CD59: variants seen among roughly 807,000 people sequenced by gnomAD.
CD59 encodes CD59 molecule (CD59 blood group).
A neutral mutation model predicts 7.0 loss-of-function variants in CD59; 3 were observed. The observed-to-expected ratio is 0.43, with a 90% CI of 0.19 to 1.10. CD59 has a LOEUF of 1.10. Ranked by LOEUF, CD59 falls within the 50% of genes least tolerant of loss-of-function variation. The pLI, the probability that CD59 is intolerant of heterozygous loss-of-function variation, is 0.29. For synonymous variants in CD59, 60 were observed against 62.0 expected, an observed-to-expected ratio of 0.97 and a Z score of 0.15; for missense variants, 143 against 151.0, an observed-to-expected ratio of 0.95 and a Z score of 0.28.
In CD59 at chr11:33,722,572, G is replaced by A. The variant is rs1470936375; in HGVS notation, c.-18-109C>T. 3.3e-6 allele frequency: 5 copies of A among 1,535,624 alleles called. No homozygotes were observed. The East Asian group carries it at 1.2e-4, about 38-fold the overall frequency. On this transcript the variant is annotated intron_variant, in intron 1 of 3. Coordinates refer to ENST00000642928, the MANE Select transcript of CD59 (RefSeq NM_000611.6). ...AAGGCTTCTGAGAGGAACATTTACA[G>A]GGGGAGTCAAGGCACACTGAATCCC...
chr11:33,726,942 TG>T (rs749191731), intron 1 of CD59, among the ~76,000 whole-genome samples: 544 of 152,316 alleles, frequency 3.6e-3, no homozygotes, highest in Non-Finnish European at 6.4e-3. Context: ...GATAAATTCC[TG>T]GGCACATACA....
intron 2 of CD59, among the ~76,000 whole-genome samples, chr11:33,719,935 G>A (rs1261889645): frequency 6.6e-6 from 1 of 152,260 alleles, no homozygotes; most frequent in East Asian, 1.9e-4. Context: ...AATGAAAAGA[G>A]TCTAAGATGA....
At chr11:33,727,966 A>T (rs1385910345) in intron 1 of CD59, among the ~76,000 whole-genome samples, 4 of 152,220 alleles carry the variant, frequency 2.6e-5, no homozygotes, top group Non-Finnish European at 5.9e-5. Flanking sequence ...CTCACAAGGG[A>T]TGTGAAGGAC....
At chr11:33,735,060 T>C (rs1413120595) in intron 1 of CD59, among the ~76,000 whole-genome samples, 1 of 152,240 alleles carries the variant, frequency 6.6e-6, no homozygotes, top group Non-Finnish European at 1.5e-5. Flanking sequence ...GTTTGGCTTG[T>C]AGGGGAGGCA....
At chr11:33,721,518 T>TA (rs1168751874) in intron 2 of CD59, among the ~76,000 whole-genome samples, 17 of 152,176 alleles carry the variant, frequency 1.1e-4, no homozygotes, top group African/African-American at 4.1e-4. Flanking sequence ...ACCATATTTA[T>TA]AAAAAACAAA....
rs1050051500 is a variant in CD59, at chr11:33,732,209, T to G, written c.-19+4173A>C. ...CTTTATCAGCAGCATGAAAATGGAC[T>G]AATACACCTCCAAAATCTCATGTTG... On this transcript the variant is annotated intron_variant, in intron 1 of 3. Transcript: ENST00000642928. Among the ~76,000 whole-genome samples, 4 of 151,900 alleles carry G rather than the reference T, an allele frequency of 2.6e-5. No individual in the cohort carries two copies. The South Asian group carries it at 8.3e-4, about 32-fold the overall frequency.
intron 1 of CD59, chr11:33,723,118 A>G (rs831629): frequency 0.62 from 136,350 of 219,602 alleles, 43,161 homozygotes; most frequent in African/African-American, 0.72. Context: ...GCCAAAGCTT[A>G]GGGAGGTTTT....
chr11:33,713,813 T>C (rs117494948), intron 3 of CD59, among the ~76,000 whole-genome samples: 10,656 of 152,270 alleles, frequency 0.07, 544 homozygotes, highest in Non-Finnish European at 0.11. Flanking sequence ...GCCTTAACGA[T>C]GGTAATAATC....
intron 2 of CD59, among the ~76,000 whole-genome samples, chr11:33,721,474 T>C (rs970255653): frequency 6.6e-6 from 1 of 152,232 alleles, no homozygotes; most frequent in African/African-American, 2.4e-5. Context: ...AATTGCTCAC[T>C]GTATTGCCAC....
intron 3 of CD59, among the ~76,000 whole-genome samples, chr11:33,714,529 A>G (rs1240507336): frequency 1.3e-5 from 2 of 152,210 alleles, no homozygotes; most frequent in Non-Finnish European, 2.9e-5. Flanking sequence ...AATATTGTAC[A>G]TTTAGTCCAC....
At chr11:33,725,589 C>T (rs752452928) in intron 1 of CD59, among the ~76,000 whole-genome samples, 1 of 152,124 alleles carries the variant, frequency 6.6e-6, no homozygotes, top group Non-Finnish European at 1.5e-5. Context: ...GATGAAGGAA[C>T]GGCAGGCTTT....
intron 3 of CD59, among the ~76,000 whole-genome samples, chr11:33,714,411 T>C (rs938916962): frequency 5.9e-5 from 9 of 152,204 alleles, no homozygotes; most frequent in Admixed American, 1.3e-4. Context: ...GGTACACCTG[T>C]ACAGGGCACT....
chr11:33,721,730 G>C (rs1317489300), intron 2 of CD59, among the ~76,000 whole-genome samples: 1 of 152,206 alleles, frequency 6.6e-6, no homozygotes, highest in Non-Finnish European at 1.5e-5. Context: ...GAAGAGCAGG[G>C]ACTCTGTTGC....
At chr11:33,721,633 C>T (rs1015699375) in intron 2 of CD59, among the ~76,000 whole-genome samples, 2 of 152,238 alleles carry the variant, frequency 1.3e-5, no homozygotes, top group African/African-American at 4.8e-5. Flanking sequence ...GAAGTTGACT[C>T]AGAAGCACAC....
chr11:33,718,672 A>G (rs1204642268), intron 2 of CD59: 1 of 152,186 alleles, frequency 6.6e-6, no homozygotes, highest in Non-Finnish European at 1.5e-5. Flanking sequence ...CAGCAGACAC[A>G]ACGTGAGGGT....
At chr11:33,731,617 T>G (rs1349743360) in intron 1 of CD59, 1 of 152,170 alleles carries the variant, frequency 6.6e-6, no homozygotes, top group Non-Finnish European at 1.5e-5. Flanking sequence ...AGAATGTGCA[T>G]TTTGAGCCAG....
rs1853311758 is a variant in CD59 at position 33,706,519 on chromosome 11, T to C, written c.*3607A>G. On this transcript the variant is annotated 3_prime_UTR_variant, in exon 4 of 4. Coordinates refer to ENST00000642928, the MANE Select transcript of CD59 (RefSeq NM_000611.6). ...CAAGCCTCACAACAATTCTTTGAGG[T>C]AGACATAGAAAGTGAAAGTTCAGAA... The C allele has an allele frequency of 1.4e-5, 2 of 138,890 alleles. No homozygotes were observed. Among genetic ancestry groups the C allele is most frequent in the African/African-American group, 5.4e-5 (2 of 37,080 alleles). 8.6% of individuals were successfully genotyped at this position (138,890 alleles called of 1,614,324 possible).
chr11:33,728,963 G>T (rs1854336208), intron 1 of CD59, among the ~76,000 whole-genome samples: 1 of 152,174 alleles, frequency 6.6e-6, no homozygotes, highest in Non-Finnish European at 1.5e-5. Flanking sequence ...AAACCACAAT[G>T]AGATACCATC....
chr11:33,727,487 A>G (rs1854294463), intron 1 of CD59, among the ~76,000 whole-genome samples: 1 of 152,232 alleles, frequency 6.6e-6, no homozygotes, highest in South Asian at 2.1e-4. Flanking sequence ...TCATGCTAAA[A>G]ACTCTCAATA....
Sources: gnomAD v4.1 joint callset for allele counts (sites outside exome capture counted in the v4.1 genomes callset) on GRCh38, gnomAD v4.1.1 for gene constraint, MANE v1.5 for transcripts, NCBI Gene and HGNC (gene_info 2026-07-23, HGNC 2026-07-21) for gene names.